C10orf53: variants seen among roughly 807,000 people sequenced by gnomAD.
C10orf53 encodes UPF0728 protein C10orf53.
Under a neutral mutation model 9.4 loss-of-function variants are expected in C10orf53, and 8 were observed. That is an observed-to-expected ratio of 0.85 (90% CI 0.50 to 1.53). C10orf53 has a LOEUF of 1.53. C10orf53 is among the 40% of genes most tolerant of loss of function. C10orf53 has a pLI of 0.00. For missense variants in C10orf53, 117 were observed against 117.8 expected (o/e 0.99, Z 0.03); for synonymous variants, 48 against 46.0 (o/e 1.04, Z -0.18).
chr10:49,690,983 C>T (rs1332469149), intron 1 of C10orf53, among the ~76,000 whole-genome samples: 1 of 152,210 alleles, frequency 6.6e-6, no homozygotes, highest in Non-Finnish European at 1.5e-5. Context: ...ATTTAGATCC[C>T]CCTTGAAGAA....
Position 49,694,562 on chromosome 10 carries a change from TG to T in C10orf53, c.243del (p.Cys82ValfsTer6). The T allele has an allele frequency of 1.2e-6, 2 of 1,614,248 alleles. No homozygotes were observed. The highest frequency in any genetic ancestry group is 1.3e-5 in the African/African-American group (1 of 75,064). Reference protein sequence around the residue: ...EFGGDGKLDPLCEKARIAVLN... With the variant: ...EFGGDGKLDPXCEKARIAVLN... ...GGAGGCGATGGTAAACTAGACCCAC[TG>T]TGTGAAAAGGCCAGGATAGCCGTGC... is the stretch of plus-strand genomic sequence containing the variant. On this transcript the variant is annotated frameshift_variant, in exon 3 of 3. Transcript: ENST00000374111. LOFTEE classifies it high-confidence loss of function.
At position 49,679,786 on chromosome 10, in the gene C10orf53, G is replaced by A. The variant is rs1840461891; in HGVS notation, c.89G>A (p.Gly30Asp). ...PVEHHTFRLQ[G>D]LQAVLAIDGH... Reference sequence around the variant, plus strand: ...GAGCACCACACCTTCCGCCTGCAGGGCCTGCAAGGTGGGCCTCCTCGCCGC... The same window carrying A: ...GAGCACCACACCTTCCGCCTGCAGGACCTGCAAGGTGGGCCTCCTCGCCGC... Residue 30 changes from glycine (G) to aspartate (D), a missense_variant, in exon 1 of 3, where the codon GGC becomes GAC. By Grantham distance (94) the Gly-to-Asp change is moderately conservative. Transcript: ENST00000374111. The A allele has an allele frequency of 6.5e-7, 1 of 1,539,414 alleles. No individual in the cohort carries two copies. The highest frequency in any genetic ancestry group is 8.7e-7 in the Non-Finnish European group (1 of 1,143,058).
chr10:49,693,868 C>G lies in C10orf53; in HGVS notation c.192C>G (p.His64Gln). Residue 64 changes from histidine (H) to glutamine (Q), a missense_variant, in exon 2 of 3, where the codon CAC (histidine) becomes CAG (glutamine). Coordinates refer to ENST00000374111, the MANE Select transcript of C10orf53 (RefSeq NM_001042427.3). ...ELMVNEEVIF[H>Q]CNIKDLEFGG... ...TGGTGAATGAAGAAGTCATCTTCCA[C>G]TGCAACATTAAGGACTTGGAGTTCG... The G allele has an allele frequency of 1.9e-6, 3 of 1,614,278 alleles. No individual in the cohort carries two copies. Among genetic ancestry groups the G allele is most frequent in the Non-Finnish European group, 2.5e-6 (3 of 1,180,046 alleles).
chr10:49,680,913 G>A (rs1461899325), intron 1 of C10orf53, among the ~76,000 whole-genome samples: 1 of 152,230 alleles, frequency 6.6e-6, no homozygotes, highest in Non-Finnish European at 1.5e-5. Flanking sequence ...GGAGGAATAT[G>A]TGGAATCGTT....
intron 1 of C10orf53, among the ~76,000 whole-genome samples, chr10:49,686,599 A>G (rs1258264): frequency 0.95 from 144,115 of 152,160 alleles, 68,578 homozygotes; most frequent in Middle Eastern, 1. Flanking sequence ...AATGCATTCC[A>G]GGGGGTAGGT....
intron 1 of C10orf53, among the ~76,000 whole-genome samples, chr10:49,691,787 C>T (rs1477100008): frequency 6.6e-6 from 1 of 152,188 alleles, no homozygotes; most frequent in Non-Finnish European, 1.5e-5. Context: ...GTGTGCTCGC[C>T]TCCTGGGGCC....
In C10orf53 at chr10:49,693,832, G is replaced by T. The variant is rs761350253; in HGVS notation, c.156G>T (p.Val52=). 7 of 1,613,970 alleles carry T rather than the reference G, an allele frequency of 4.3e-6. No homozygotes were observed. The highest frequency in any genetic ancestry group is 3.3e-5 in the Admixed American group (2 of 60,028). ...VILEKIEDWN[V]VELMVNEEVI... is the part of the protein sequence containing the mutation. ...TAGAGAAGATAGAAGACTGGAATGT[G>T]GTGGAACTCATGGTGAATGAAGAAG... The change falls in exon 2 of 3, where the codon GTG becomes GTT. Residue 52 remains valine (V), a synonymous_variant. Coordinates refer to ENST00000374111, the MANE Select transcript of C10orf53 (RefSeq NM_001042427.3).
chr10:49,707,361 A>G (rs944825994), intron 2 of C10orf53, among the ~76,000 whole-genome samples: 2 of 152,142 alleles, frequency 1.3e-5, no homozygotes, highest in African/African-American at 2.4e-5. Context: ...CCTTCCCATC[A>G]CTGGAATGGG....
intron 1 of C10orf53, among the ~76,000 whole-genome samples, chr10:49,689,648 G>C (rs1267783429): frequency 6.6e-6 from 1 of 152,094 alleles, no homozygotes; most frequent in East Asian, 1.9e-4. Flanking sequence ...ATTGTAGTGC[G>C]TACATCATGT....
At chr10:49,689,890 C>G (rs1840565668) in intron 1 of C10orf53, among the ~76,000 whole-genome samples, 2 of 152,178 alleles carry the variant, frequency 1.3e-5, no homozygotes, top group African/African-American at 4.8e-5. Flanking sequence ...ACATTGATAA[C>G]TTGATTTTTA....
At chr10:49,703,390 A>G (rs1840698473) in intron 2 of C10orf53, among the ~76,000 whole-genome samples, 1 of 152,136 alleles carries the variant, frequency 6.6e-6, no homozygotes, top group African/African-American at 2.4e-5. Context: ...CTCCCTTTTA[A>G]GAAGAATTCT....
intron 1 of C10orf53, among the ~76,000 whole-genome samples, chr10:49,688,763 T>C (rs1840553825): frequency 6.6e-6 from 1 of 152,116 alleles, no homozygotes; most frequent in Admixed American, 6.5e-5. Context: ...CCTGGAACGC[T>C]CTTTCCTACG....
chr10:49,679,882 C>T (rs980669969), intron 1 of C10orf53, 88 bp downstream of exon 1: 2 of 1,216,370 alleles, frequency 1.6e-6, no homozygotes, highest in Admixed American at 3.4e-5. Context: ...CTTCCTCAGA[C>T]CCCCACGAAG....
chr10:49,691,923 T>C (rs955028698), intron 1 of C10orf53, among the ~76,000 whole-genome samples: 1 of 151,734 alleles, frequency 6.6e-6, no homozygotes, highest in African/African-American at 2.4e-5. Flanking sequence ...GGTTGGGGGG[T>C]GCGGGTGTAA....
intron 2 of C10orf53, among the ~76,000 whole-genome samples, chr10:49,705,597 C>T (rs1249341076): frequency 6.6e-6 from 1 of 151,860 alleles, no homozygotes; most frequent in African/African-American, 2.4e-5. Flanking sequence ...AAGTTGGACC[C>T]CTACCTCACA....
intron 1 of C10orf53, among the ~76,000 whole-genome samples, chr10:49,681,155 T>C (rs577034003): frequency 3.3e-5 from 5 of 152,346 alleles, no homozygotes; most frequent in African/African-American, 1.2e-4. Flanking sequence ...AAGGAGCATC[T>C]GAATTAAGCT....
At chr10:49,693,922 G>T (rs1480165761) in intron 2 of C10orf53, 29 bp downstream of exon 2, 1 of 1,614,154 alleles carries the variant, frequency 6.2e-7, no homozygotes. Context: ...CTTCCAGCCA[G>T]CAATTTGCCT....
downstream of C10orf53, among the ~76,000 whole-genome samples, chr10:49,701,137 A>G (rs549283821): frequency 6.6e-6 from 1 of 152,174 alleles, no homozygotes; most frequent in Non-Finnish European, 1.5e-5. Flanking sequence ...CACTTTACAG[A>G]TAGGTACACT....
Position 49,690,356 on chromosome 10 carries a change from C to T in C10orf53, c.98-3418C>T, listed in dbSNP as rs1840572197. ...TCTGCACCCCCCCACAACTTTAGAT[C>T]CAGCACTCACCGCACAGCAGGCAGA... On this transcript the variant is annotated intron_variant, in intron 1 of 2. Coordinates refer to ENST00000374111, the MANE Select transcript of C10orf53 (RefSeq NM_001042427.3). Among the ~76,000 whole-genome samples, 7 of 152,170 alleles carry T rather than the reference C, an allele frequency of 4.6e-5. No homozygotes were observed. The South Asian group carries it at 8.3e-4, about 18-fold the overall frequency.
Sources: gnomAD v4.1 joint callset for allele counts (sites outside exome capture counted in the v4.1 genomes callset) on GRCh38, gnomAD v4.1.1 for gene constraint, MANE v1.5 for transcripts, NCBI Gene and HGNC (gene_info 2026-07-23, HGNC 2026-07-21) for gene names.